SENP1: variants seen among roughly 807,000 people sequenced by gnomAD.
SENP1 encodes the protein sentrin-specific protease 1.
Under a neutral mutation model 93.0 loss-of-function variants are expected in SENP1, and 21 were observed. The ratio of observed to expected loss-of-function variants is 0.23; its 90% CI spans 0.16 to 0.33. The LOEUF (loss-of-function observed/expected upper bound fraction) is 0.33, where lower values mean the gene tolerates loss of function less well. Among genes scored for constraint, SENP1 ranks in the 10% least tolerant of loss-of-function variants. The pLI, the probability that SENP1 is intolerant of heterozygous loss-of-function variation, is 1.00. For missense variants in SENP1, 591 were observed against 758.7 expected (o/e 0.78, Z 2.60); for synonymous variants, 256 against 259.6 (o/e 0.99, Z 0.13).
chr12:48,096,405 T>C lies in SENP1; in HGVS notation c.158A>G (p.His53Arg). 6.2e-7 allele frequency: 1 copy of C among 1,610,118 alleles called. No homozygotes were observed. The highest frequency in any genetic ancestry group is 8.5e-7 in the Non-Finnish European group (1 of 1,176,926). The change falls in exon 4 of 18, where the codon CAT becomes CGT. Residue 53 changes from histidine (H) to arginine (R), a missense_variant. His to Arg is a conservative substitution (Grantham distance 29). Around this residue, in one of 4 missense-constraint regions of SENP1, gnomAD observed 214 missense variants for 243.4 expected, o/e 0.88. Coordinates refer to ENST00000549518, the MANE Select transcript of SENP1 (RefSeq NM_001267594.2). ...DQQILSSRQG[H>R]LDRSFTCSTR... ...GGAACATGTAAAAGATCGGTCCAAA[T>C]GTCCTTGCCTGGAAGATAAAATCTA...
At chr12:48,048,740 G>A (rs1269873137) in intron 14 of SENP1, among the ~76,000 whole-genome samples, 189 bp downstream of exon 14, 1 of 152,042 alleles carries the variant, frequency 6.6e-6, no homozygotes, top group Non-Finnish European at 1.5e-5. Context: ...AAATTCCACA[G>A]CTTTCTTCAA....
At chr12:48,086,323 A>C (rs1944857694) in intron 5 of SENP1, among the ~76,000 whole-genome samples, 1 of 152,224 alleles carries the variant, frequency 6.6e-6, no homozygotes, top group Non-Finnish European at 1.5e-5. Flanking sequence ...AGAAGTGTAA[A>C]AGTGATAAAA....
rs1427274279 is a variant in SENP1 at position 48,057,846 on chromosome 12, C to T, written c.1407+5864G>A. On this transcript the variant is annotated intron_variant, in intron 13 of 17. Transcript: ENST00000549518. ...TCCTGACCTCAAGTGATGCACCCAC[C>T]TTGGCCTCGCAAAGTGCTGGGATTA... Among the ~76,000 whole-genome samples, 4 of 150,854 alleles carry T rather than the reference C, an allele frequency of 2.7e-5. No homozygotes were observed. In the East Asian group the frequency reaches 5.8e-4, roughly 22 times the overall value.
intron 6 of SENP1, among the ~76,000 whole-genome samples, chr12:48,077,402 T>TA (rs913967104): frequency 6.6e-6 from 1 of 152,218 alleles, no homozygotes; most frequent in African/African-American, 2.4e-5. Context: ...TTTCTAGTCT[T>TA]AAAGTCTTTA....
rs1227546502 is a variant in SENP1, at chr12:48,045,106, C to CG, written c.*215_*216insC. The CG allele has an allele frequency of 1.8e-6, 1 of 558,262 alleles. No homozygotes were observed. Among genetic ancestry groups the CG allele is most frequent in the African/African-American group, 1.9e-5 (1 of 53,566 alleles). 34.6% of individuals were successfully genotyped at this position (558,262 alleles called of 1,614,324 possible). On this transcript the variant is annotated 3_prime_UTR_variant, in exon 18 of 18. Transcript: ENST00000549518. ...CTCTTCAGCTTAGGGATGTCCCTCA[C>CG]CCCTTTCACAGCACCAAAGTTTCTT...
intron 8 of SENP1, among the ~76,000 whole-genome samples, chr12:48,072,708 C>G (rs994192101): frequency 1.3e-5 from 2 of 152,112 alleles, no homozygotes; most frequent in African/African-American, 4.8e-5. Context: ...AAAAAAGTAA[C>G]ATCTTCATTA....
intron 6 of SENP1, 110 bp downstream of exon 6, chr12:48,083,481 A>C: frequency 1.2e-6 from 1 of 843,686 alleles, no homozygotes. Flanking sequence ...AAAGCACAGG[A>C]AGGATAAAAT....
At chr12:48,081,729 C>T (rs1048205615) in intron 6 of SENP1, among the ~76,000 whole-genome samples, 4 of 151,916 alleles carry the variant, frequency 2.6e-5, no homozygotes, top group Non-Finnish European at 4.4e-5. Flanking sequence ...TGCCACCACA[C>T]CCAGCTAATT....
At chr12:48,048,279 C>T (rs1261926073) in intron 14 of SENP1, among the ~76,000 whole-genome samples, 199 bp from the exon 15 acceptor site, 1 of 152,160 alleles carries the variant, frequency 6.6e-6, no homozygotes, top group Non-Finnish European at 1.5e-5. Flanking sequence ...TATGATGGCA[C>T]TCATCAACAG....
intron 6 of SENP1, among the ~76,000 whole-genome samples, chr12:48,080,889 T>C (rs1944448988): frequency 6.6e-6 from 1 of 152,204 alleles, no homozygotes; most frequent in African/African-American, 2.4e-5. Flanking sequence ...GCATCTTCTT[T>C]GCACTACAGG....
intron 8 of SENP1, among the ~76,000 whole-genome samples, chr12:48,073,417 G>A (rs1445200003): frequency 2.0e-5 from 3 of 149,424 alleles, no homozygotes; most frequent in African/African-American, 4.9e-5. Context: ...AGTACAAATA[G>A]ATTAAAAAAA....
chr12:48,096,012 G>A (rs934389846), intron 4 of SENP1, among the ~76,000 whole-genome samples: 2 of 152,074 alleles, frequency 1.3e-5, no homozygotes, highest in Non-Finnish European at 2.9e-5. Flanking sequence ...TTAAATTAAC[G>A]CAAAACAAAC....
chr12:48,053,716 C>T (rs1159914344), intron 13 of SENP1, among the ~76,000 whole-genome samples: 2 of 152,134 alleles, frequency 1.3e-5, no homozygotes, highest in East Asian at 3.9e-4. Context: ...GGTAATTAGT[C>T]TGCCTGGTTA....
intron 9 of SENP1, among the ~76,000 whole-genome samples, chr12:48,069,479 A>G (rs1943533231): frequency 6.6e-6 from 1 of 152,182 alleles, no homozygotes; most frequent in African/African-American, 2.4e-5. Flanking sequence ...TTTAGTCATC[A>G]CTAGGGGAAA....
intron 6 of SENP1, among the ~76,000 whole-genome samples, chr12:48,077,207 A>G (rs1242232690): frequency 6.6e-6 from 1 of 152,038 alleles, no homozygotes; most frequent in East Asian, 1.9e-4. Context: ...GGATGCAAAT[A>G]TTTTCTCCCA....
At chr12:48,071,626 A>G (rs917088803) in intron 9 of SENP1, 41 bp downstream of exon 9, 2 of 1,380,114 alleles carry the variant, frequency 1.4e-6, no homozygotes, top group African/African-American at 1.5e-5. Context: ...AAAAAGATAT[A>G]TTAATTAATT....
intron 13 of SENP1, among the ~76,000 whole-genome samples, chr12:48,059,841 A>G (rs1565752076): frequency 6.6e-6 from 1 of 152,148 alleles, no homozygotes; most frequent in Non-Finnish European, 1.5e-5. Flanking sequence ...TTCTGAGGCA[A>G]TACCCCTCTG....
intron 13 of SENP1, among the ~76,000 whole-genome samples, chr12:48,057,641 T>G (rs1942647924): frequency 1.4e-5 from 2 of 147,910 alleles, no homozygotes; most frequent in Non-Finnish European, 3.0e-5. Context: ...GAAACAGTCT[T>G]GCTCTGTCAT....
chr12:48,085,222 A>G, intron 5 of SENP1: 1 of 1,540,156 alleles, frequency 6.5e-7, no homozygotes, highest in Non-Finnish European at 9.0e-7. Context: ...ACTTTCCGGC[A>G]ATTTCTAAAC....
Sources: allele counts gnomAD v4.1 joint callset (sites outside exome capture counted in the v4.1 genomes callset), GRCh38; gene constraint gnomAD v4.1.1; regional missense constraint gnomAD v4.1.1; transcripts MANE v1.5; gene names NCBI Gene and HGNC (gene_info 2026-07-23, HGNC 2026-07-21).